The following PLCB1 variants were observed in gnomAD, a reference collection of about 807,000 sequenced individuals.
The protein encoded by PLCB1 is 1-phosphatidylinositol 4,5-bisphosphate phosphodiesterase beta-1.
In PLCB1, 46 loss-of-function variants were observed where a neutral mutation model predicts 161.8. The ratio of observed to expected loss-of-function variants is 0.28; its 90% CI spans 0.22 to 0.36. PLCB1 has a LOEUF of 0.36. PLCB1 is among the 10% of genes least tolerant of loss of function. PLCB1 has a pLI of 1.00. For missense variants in PLCB1, 1,016 were observed against 1,472.5 expected, an observed-to-expected ratio of 0.69 and a Z score of 5.07; for synonymous variants, 517 against 503.7, an observed-to-expected ratio of 1.03 and a Z score of -0.35.
intron 3 of PLCB1, among the ~76,000 whole-genome samples, chr20:8,417,054 C>CAT (rs1568667963): frequency 0.021 from 792 of 37,974 alleles, 18 homozygotes; most frequent in Admixed American, 0.087. Context: ...CACACACACA[C>CAT]ATATATATAT....
Position 8,733,713 on chromosome 20 carries a change from A to G in PLCB1, c.2043+321A>G, listed in dbSNP as rs541723010. ...TAAATGACGAGTTAATGGGTGCAGC[A>G]CACCAGCATGGCACATGTATACATA... On this transcript the variant is annotated intron_variant, in intron 19 of 31. Transcript: ENST00000338037. Among the ~76,000 whole-genome samples the G allele has an allele frequency of 1.2e-4, 18 of 150,940 alleles. No individual in the cohort carries two copies. The South Asian group carries it at 1.3e-3, about 11-fold the overall frequency.
chr20:8,602,443 A>G (rs1393898921), intron 3 of PLCB1, among the ~76,000 whole-genome samples: 1 of 152,212 alleles, frequency 6.6e-6, no homozygotes, highest in Admixed American at 6.5e-5. Flanking sequence ...ACATGAATAG[A>G]CTTATCTATC....
At chr20:8,547,915 G>A (rs1433963340) in intron 3 of PLCB1, among the ~76,000 whole-genome samples, 1 of 152,038 alleles carries the variant, frequency 6.6e-6, no homozygotes, top group Non-Finnish European at 1.5e-5. Flanking sequence ...CCTCTTCTCT[G>A]GGAGGAAGAG....
chr20:8,791,791 T>A (rs372221906), intron 31 of PLCB1, among the ~76,000 whole-genome samples: 308 of 152,286 alleles, frequency 2.0e-3, no homozygotes, highest in African/African-American at 7.1e-3. Flanking sequence ...CTGCTCTAGG[T>A]CATCATGATT....
At chr20:8,762,457 A>G (rs1312273730) in intron 25 of PLCB1, among the ~76,000 whole-genome samples, 5 of 152,222 alleles carry the variant, frequency 3.3e-5, no homozygotes, top group Admixed American at 2.6e-4. Context: ...TCTCTCATCT[A>G]CAGACTTTTT....
intron 2 of PLCB1, among the ~76,000 whole-genome samples, chr20:8,294,532 G>A (rs61317372): frequency 0.071 from 10,762 of 151,438 alleles, 479 homozygotes; most frequent in East Asian, 0.17. Context: ...TTATACATGT[G>A]CATGCATGTA....
chr20:8,653,332 C>G (rs1195835796), intron 7 of PLCB1: 2 of 152,030 alleles, frequency 1.3e-5, no homozygotes, highest in African/African-American at 4.8e-5. Context: ...TGCCTTTCTT[C>G]TGTGCCTTAC....
chr20:8,295,418 G>A (rs1184069929), intron 2 of PLCB1, among the ~76,000 whole-genome samples: 1 of 151,988 alleles, frequency 6.6e-6, no homozygotes, highest in Non-Finnish European at 1.5e-5. Context: ...CACATGTATT[G>A]TAAATATGAA....
intron 2 of PLCB1, among the ~76,000 whole-genome samples, chr20:8,275,043 GTCTT>G: frequency 6.6e-6 from 1 of 150,866 alleles, no homozygotes; most frequent in African/African-American, 2.5e-5. Context: ...GTGACTTCTT[GTCTT>G]TCTTTATCTG....
At chr20:8,589,328 T>C (rs1225194086) in intron 3 of PLCB1, among the ~76,000 whole-genome samples, 3 of 152,200 alleles carry the variant, frequency 2.0e-5, no homozygotes, top group Non-Finnish European at 4.4e-5. Context: ...ATGTGGAGAA[T>C]TAGACAGTCC....
chr20:8,164,505 AC>A (rs2051656742), intron 2 of PLCB1, among the ~76,000 whole-genome samples: 1 of 152,226 alleles, frequency 6.6e-6, no homozygotes, highest in African/African-American at 2.4e-5. Flanking sequence ...CTCACTAGCC[AC>A]CTGTGTCCAG....
At chr20:8,228,006 A>T (rs1979788959) in intron 2 of PLCB1, among the ~76,000 whole-genome samples, 1 of 152,162 alleles carries the variant, frequency 6.6e-6, no homozygotes, top group African/African-American at 2.4e-5. Flanking sequence ...AAATCTAATG[A>T]CAAACTTCGG....
At chr20:8,631,813 A>G (rs1354620094) in intron 4 of PLCB1, among the ~76,000 whole-genome samples, 3 of 152,312 alleles carry the variant, frequency 2.0e-5, no homozygotes, top group South Asian at 4.1e-4. Flanking sequence ...AGAATAATAT[A>G]AAAAGAAAAT....
intron 3 of PLCB1, among the ~76,000 whole-genome samples, chr20:8,460,718 C>G (rs1187104071): frequency 1.3e-5 from 2 of 152,220 alleles, no homozygotes; most frequent in East Asian, 3.8e-4. Flanking sequence ...ACATATTTTA[C>G]TTGGTTGTGA....
At chr20:8,623,591 A>G (rs1355332187) in intron 3 of PLCB1, among the ~76,000 whole-genome samples, 1 of 152,106 alleles carries the variant, frequency 6.6e-6, no homozygotes, top group Non-Finnish European at 1.5e-5. Context: ...GTATGTACCC[A>G]TAGTTGCTTT....
At chr20:8,446,665 C>G (rs1231244525) in intron 3 of PLCB1, among the ~76,000 whole-genome samples, 1 of 152,154 alleles carries the variant, frequency 6.6e-6, no homozygotes, top group Admixed American at 6.5e-5. Flanking sequence ...ACCCAATCGT[C>G]TCAGACCAAT....
intron 9 of PLCB1, among the ~76,000 whole-genome samples, chr20:8,676,692 C>A (rs1990085819): frequency 6.6e-6 from 1 of 152,184 alleles, no homozygotes; most frequent in South Asian, 2.1e-4. Context: ...GCCTTACCAA[C>A]TCTCATACTT....
chr20:8,555,881 T>A (rs1187341767), intron 3 of PLCB1, among the ~76,000 whole-genome samples: 1 of 152,088 alleles, frequency 6.6e-6, no homozygotes, highest in Admixed American at 6.6e-5. Flanking sequence ...TGGAATCAAT[T>A]TTTTCTATTC....
intron 3 of PLCB1, among the ~76,000 whole-genome samples, chr20:8,544,115 G>A (rs76098884): frequency 0.085 from 12,999 of 152,078 alleles, 767 homozygotes; most frequent in African/African-American, 0.17. Flanking sequence ...CCAAACCTCA[G>A]CATCACGCAG....
Sources: allele counts gnomAD v4.1 joint callset (sites outside exome capture counted in the v4.1 genomes callset), GRCh38; gene constraint gnomAD v4.1.1; transcripts MANE v1.5; gene names NCBI Gene and HGNC (gene_info 2026-07-23, HGNC 2026-07-21).